The following DMD variants were observed in gnomAD, a reference collection of about 807,000 sequenced individuals.
DMD encodes mutant dystrophin.
A neutral mutation model predicts 330.1 loss-of-function variants in DMD; 63 were observed. The observed-to-expected ratio is 0.19, with a 90% CI of 0.16 to 0.24. The LOEUF (loss-of-function observed/expected upper bound fraction) is 0.24. Ranked by LOEUF, DMD falls within the 10% of genes least tolerant of loss-of-function variation. The pLI is 1.00. For synonymous variants in DMD, 1,223 were observed against 959.8 expected (o/e 1.27, Z -5.07); for missense variants, 3,344 against 2,684.1 (o/e 1.25, Z -5.43).
At chrX:32,692,783 A>G (rs375023253) in intron 9 of DMD, among the ~76,000 whole-genome samples, 5 of 112,016 alleles carry the variant, frequency 4.5e-5, no homozygotes, top group African/African-American at 1.6e-4. Context: ...AAGTGCTAAT[A>G]AAAACATAAA....
In DMD at chrX:33,009,448, ATGTATGTGTATACACATATGTG is replaced by A. The variant is rs1402296746; in HGVS notation, c.93+10669_93+10690del. ...TATATGTATGTGTATACACATATGT[ATGTATGTGTATACACATATGTG>A]TGTATGTGTATACACATGTGTGTAT... On this transcript the variant is annotated intron_variant, in intron 2 of 78. Coordinates refer to ENST00000357033, the MANE Select transcript of DMD (RefSeq NM_004006.3). Among the ~76,000 whole-genome samples, 4 of 30,596 alleles carry A rather than the reference ATGTATGTGTATACACATATGTG, an allele frequency of 1.3e-4. 1 individual carries two copies. Among genetic ancestry groups the A allele is most frequent in the Non-Finnish European group, 2.4e-4 (4 of 16,558 alleles). The allele number at this position is 30,596 out of a possible 115,157, so 26.6% of individuals were successfully genotyped here.
intron 51 of DMD, among the ~76,000 whole-genome samples, chrX:31,763,303 C>T (rs1272602063): frequency 8.9e-6 from 1 of 112,471 alleles, no homozygotes; most frequent in African/African-American, 3.2e-5. Flanking sequence ...GTGGCTCACG[C>T]CTGTAATCCC....
intron 1 of DMD, among the ~76,000 whole-genome samples, chrX:33,279,177 G>A (rs897150351): frequency 8.9e-6 from 1 of 111,736 alleles, no homozygotes. Flanking sequence ...GCCATAAAGC[G>A]AATCTCAATA....
chrX:32,548,807 G>T (rs1380867938), intron 16 of DMD, among the ~76,000 whole-genome samples: 1 of 111,046 alleles, frequency 9.0e-6, no homozygotes, highest in Non-Finnish European at 1.9e-5. Context: ...AAGATCTATG[G>T]AATCATACTC....
chrX:32,879,727 T>A lies in DMD; in HGVS notation c.94-29907A>T, dbSNP rs775161222. ...CCAGTTCAACAGGCTGGGTGAGTGG[T>A]ATGGTACCATAAAAAGGATGATCAG... On this transcript the variant is annotated intron_variant, in intron 2 of 78. Coordinates refer to ENST00000357033, the MANE Select transcript of DMD (RefSeq NM_004006.3). Among the ~76,000 whole-genome samples, 61 of 111,648 alleles carry A rather than the reference T, an allele frequency of 5.5e-4. No individual in the cohort carries two copies. In the South Asian group the frequency reaches 0.022, roughly 41 times the overall value.
intron 44 of DMD, among the ~76,000 whole-genome samples, chrX:32,060,632 T>C (rs1044748061): frequency 2.1e-4 from 24 of 111,774 alleles, no homozygotes; most frequent in African/African-American, 6.8e-4. Context: ...GCAAAGTTAA[T>C]TGGAATTGAG....
chrX:31,419,378 G>A (rs1320057986), intron 60 of DMD, among the ~76,000 whole-genome samples: 2 of 109,513 alleles, frequency 1.8e-5, no homozygotes, highest in Non-Finnish European at 3.8e-5. Context: ...ATTCATCATA[G>A]TTACTTAGAA....
At chrX:31,643,346 T>G (rs1162452850) in intron 54 of DMD, among the ~76,000 whole-genome samples, 1 of 111,919 alleles carries the variant, frequency 8.9e-6, no homozygotes, top group Non-Finnish European at 1.9e-5. Context: ...GTTGATAATT[T>G]ATGTAAAAAT....
chrX:32,027,196 A>G (rs985569911), intron 44 of DMD, among the ~76,000 whole-genome samples: 3 of 107,659 alleles, frequency 2.8e-5, no homozygotes, highest in African/African-American at 6.8e-5. Flanking sequence ...AGAGAGAGAG[A>G]GAGAGAGAGA....
intron 18 of DMD, 161 bp downstream of exon 18, chrX:32,517,847 T>G (rs2046007482): frequency 1.6e-6 from 1 of 607,490 alleles, no homozygotes; most frequent in African/African-American, 2.2e-5. Context: ...TAGGCTAAAC[T>G]TTGATTTTGC....
chrX:31,422,503 C>G (rs764219849), intron 60 of DMD, among the ~76,000 whole-genome samples: 20 of 111,857 alleles, frequency 1.8e-4, no homozygotes, highest in African/African-American at 6.2e-4. Context: ...AGATGGGACT[C>G]TAGAAGTGTT....
intron 16 of DMD, among the ~76,000 whole-genome samples, chrX:32,562,147 C>T (rs1361817995): frequency 9.0e-6 from 1 of 111,649 alleles, no homozygotes; most frequent in Non-Finnish European, 1.9e-5. Context: ...AGAAGTCAAT[C>T]CAGGGTATAT....
intron 4 of DMD, among the ~76,000 whole-genome samples, chrX:32,838,095 G>A (rs775646692): frequency 8.1e-5 from 9 of 111,363 alleles, no homozygotes; most frequent in African/African-American, 2.6e-4. Flanking sequence ...GTGAATTAAT[G>A]GCTCTAAAAA....
chrX:31,848,321 T>C (rs894054573), intron 48 of DMD, among the ~76,000 whole-genome samples: 10 of 111,625 alleles, frequency 9.0e-5, no homozygotes, highest in Admixed American at 2.9e-4. Flanking sequence ...TGAGCAAACC[T>C]TTTATCTCGC....
chrX:31,268,349 C>A (rs1168813568), intron 62 of DMD, among the ~76,000 whole-genome samples: 1 of 112,530 alleles, frequency 8.9e-6, no homozygotes, highest in African/African-American at 3.2e-5. Context: ...TTCTTTATTA[C>A]CTTTAACAAA....
chrX:31,163,959 A>G (rs770426830), intron 74 of DMD, among the ~76,000 whole-genome samples: 1 of 112,339 alleles, frequency 8.9e-6, no homozygotes, highest in South Asian at 3.7e-4. Context: ...AGGAAACACA[A>G]GAAACCAAGA....
chrX:32,437,359 C>A (rs560112760), intron 29 of DMD, among the ~76,000 whole-genome samples: 1 of 112,022 alleles, frequency 8.9e-6, no homozygotes, highest in African/African-American at 3.2e-5. Context: ...GGTTTTCCTA[C>A]TCAAGGCGTT....
rs1263846042 is a variant in DMD, at chrX:32,823,348, C to T, written c.304G>A (p.Gly102Arg). Residue 102 changes from glycine to arginine, a missense_variant, in exon 5 of 79, where the codon GGA (glycine) becomes AGA (arginine). By Grantham distance (125) the Gly-to-Arg change is moderately radical. Transcript: ENST00000357033. ...VNIGSTDIVD[G>R]NHKLTLGLIW... ...AAACCAAGAGTCAGTTTATGATTTCCATCTACGATGTCAGTACTTCCAATA... is the reference window on the plus strand; with the variant it reads ...AAACCAAGAGTCAGTTTATGATTTCTATCTACGATGTCAGTACTTCCAATA... The T allele has an allele frequency of 8.3e-7, 1 of 1,206,985 alleles. No homozygotes were observed.
At chrX:31,923,924 C>T (rs2094730706) in intron 47 of DMD, among the ~76,000 whole-genome samples, 1 of 111,742 alleles carries the variant, frequency 8.9e-6, no homozygotes, top group Admixed American at 9.5e-5. Context: ...CGTTTTAGCA[C>T]ACAGATTTAT....
Sources: gnomAD v4.1 joint callset for allele counts (sites outside exome capture counted in the v4.1 genomes callset) on GRCh38, gnomAD v4.1.1 for gene constraint, MANE v1.5 for transcripts, NCBI Gene and HGNC (gene_info 2026-07-23, HGNC 2026-07-21) for gene names.